The following EYS variants were observed in gnomAD, a reference collection of about 807,000 sequenced individuals.
The protein encoded by EYS is EGF-like photoreceptor maintenance factor.
Under a neutral mutation model 282.1 loss-of-function variants are expected in EYS, and 250 were observed. The ratio of observed to expected loss-of-function variants is 0.89; its 90% confidence interval spans 0.80 to 0.98. EYS has a LOEUF of 0.98. Among genes scored for constraint, EYS ranks in the 50% least tolerant of loss-of-function variants. EYS has a pLI of 0.00. For missense variants in EYS, 4,016 were observed against 3,709.0 expected, an observed-to-expected ratio of 1.08 and a Z score of -2.15; for synonymous variants, 1,355 against 1,282.9, an observed-to-expected ratio of 1.06 and a Z score of -1.20.
chr6:64,090,240 C>T (rs898604443), intron 31 of EYS, among the ~76,000 whole-genome samples: 2 of 152,058 alleles, frequency 1.3e-5, no homozygotes, highest in African/African-American at 2.4e-5. Flanking sequence ...AGAAATTCTC[C>T]CTGAGTGATC....
intron 22 of EYS, among the ~76,000 whole-genome samples, chr6:64,757,534 T>C (rs1772982029): frequency 6.6e-6 from 1 of 152,140 alleles, no homozygotes; most frequent in Non-Finnish European, 1.5e-5. Flanking sequence ...AGAAAAACTA[T>C]GCTATCACGT....
intron 35 of EYS, among the ~76,000 whole-genome samples, chr6:63,905,115 C>T (rs1008167425): frequency 7.9e-5 from 12 of 152,084 alleles, no homozygotes; most frequent in African/African-American, 2.7e-4. Context: ...TATGGGTTTA[C>T]CTAGTATGGA....
chr6:64,872,475 T>C (rs1040416906), intron 19 of EYS, among the ~76,000 whole-genome samples: 1 of 151,998 alleles, frequency 6.6e-6, no homozygotes, highest in Admixed American at 6.6e-5. Flanking sequence ...GGCGATTTCT[T>C]GCTGAGGACA....
chr6:65,674,872 T>C (rs1768522621), intron 1 of EYS, among the ~76,000 whole-genome samples: 1 of 152,038 alleles, frequency 6.6e-6, no homozygotes, highest in Non-Finnish European at 1.5e-5. Flanking sequence ...GAATCACTTT[T>C]AGTTCTGGTG....
chr6:64,893,354 T>G (rs898665488), intron 18 of EYS, among the ~76,000 whole-genome samples: 2 of 152,044 alleles, frequency 1.3e-5, no homozygotes, highest in African/African-American at 4.8e-5. Context: ...TAGAATAGAT[T>G]AAAAACATGA....
intron 14 of EYS, among the ~76,000 whole-genome samples, chr6:64,955,441 A>T (rs1325677749): frequency 6.6e-6 from 1 of 152,142 alleles, no homozygotes; most frequent in Admixed American, 6.6e-5. Context: ...ACACACAGAG[A>T]GGGAGAGTCT....
At chr6:64,666,012 C>G (rs1209124263) in intron 22 of EYS, among the ~76,000 whole-genome samples, 1 of 152,144 alleles carries the variant, frequency 6.6e-6, no homozygotes, top group African/African-American at 2.4e-5. Context: ...ACTGCATGCT[C>G]TCACTTATAA....
chr6:64,585,003 C>T (rs1404731685), intron 26 of EYS, among the ~76,000 whole-genome samples: 3 of 152,008 alleles, frequency 2.0e-5, no homozygotes, highest in African/African-American at 4.8e-5. Flanking sequence ...AATAGTTTTA[C>T]TAAAAAGACA....
At position 63,950,684 on chromosome 6, in the gene EYS, G is replaced by A. The variant is rs148088024; in HGVS notation, c.7055+33699C>T. ...TGCTCCGTGAGAAAGATCCACCTAC[G>A]ACCTCTGGTCCTCAGACCAACCAGC... On this transcript the variant is annotated intron_variant, in intron 35 of 42. Transcript: ENST00000503581. Among the ~76,000 whole-genome samples, 495 of 152,152 alleles carry A rather than the reference G, an allele frequency of 3.3e-3. 4 individuals are homozygous for A. In the East Asian group the frequency reaches 0.042, roughly 13 times the overall value.
intron 35 of EYS, among the ~76,000 whole-genome samples, chr6:63,878,416 C>T (rs1034484548): frequency 7.9e-5 from 12 of 152,266 alleles, no homozygotes; most frequent in African/African-American, 1.4e-4. Flanking sequence ...TTAGGCTACT[C>T]GGGGGTCCGG....
intron 12 of EYS, among the ~76,000 whole-genome samples, chr6:65,141,473 C>T (rs1035666800): frequency 4.7e-5 from 7 of 150,108 alleles, no homozygotes; most frequent in Non-Finnish European, 1.0e-4. Flanking sequence ...GCACATGTAC[C>T]CAAAAACTTA....
In EYS at chr6:65,671,599, C is replaced by A. The variant is rs532942598; in HGVS notation, c.-447-31707G>T. Among the ~76,000 whole-genome samples the A allele has an allele frequency of 8.1e-3, 1,231 of 152,046 alleles. 14 individuals carry two copies. Among genetic ancestry groups the A allele is most frequent in the African/African-American group, 0.028 (1,159 of 41,504 alleles). ...GTAAGGAAGATGGTTGAATAAGTAC[C>A]AAACCCTCCTCTGAAAGGGACACCA... On this transcript the variant is annotated intron_variant, in intron 1 of 42. Coordinates refer to ENST00000503581, the MANE Select transcript of EYS (RefSeq NM_001142800.2).
In EYS at chr6:65,342,522, A is replaced by G. The variant is rs145812960; in HGVS notation, c.1599+1516T>C. Reference sequence around the variant, plus strand: ...AATCAAATTAGTCAAATTATTTTGGATGCCTGAACAATTAATCAAATTAAT... The same window carrying G: ...AATCAAATTAGTCAAATTATTTTGGGTGCCTGAACAATTAATCAAATTAAT... On this transcript the variant is annotated intron_variant, in intron 10 of 42. Coordinates refer to ENST00000503581, the MANE Select transcript of EYS (RefSeq NM_001142800.2). Among the ~76,000 whole-genome samples the G allele has an allele frequency of 1.3e-3, 191 of 150,760 alleles. 1 individual carries two copies. Among genetic ancestry groups the G allele is most frequent in the African/African-American group, 4.3e-3 (178 of 41,454 alleles).
chr6:64,866,197 T>G (rs763358040), intron 19 of EYS, among the ~76,000 whole-genome samples: 41 of 151,994 alleles, frequency 2.7e-4, no homozygotes, highest in Non-Finnish European at 5.0e-4. Flanking sequence ...TGATAAAAGT[T>G]AAATCTTTAT....
At chr6:64,485,080 A>G (rs1306033006) in intron 26 of EYS, among the ~76,000 whole-genome samples, 2 of 151,668 alleles carry the variant, frequency 1.3e-5, no homozygotes, top group African/African-American at 4.8e-5. Context: ...TATTTGGGCC[A>G]CAAAGTGGCC....
intron 22 of EYS, among the ~76,000 whole-genome samples, chr6:64,682,973 T>C (rs538669524): frequency 1.5e-3 from 224 of 152,242 alleles, no homozygotes; most frequent in African/African-American, 4.8e-3. Flanking sequence ...AGAAAAATCT[T>C]TACCCAGCTC....
intron 1 of EYS, among the ~76,000 whole-genome samples, chr6:65,689,924 G>T (rs1319704858): frequency 6.7e-6 from 1 of 149,658 alleles, no homozygotes; most frequent in East Asian, 2.3e-4. Context: ...CTGGGTCCAG[G>T]GGGGTCACCG....
chr6:64,677,515 A>T (rs371207980), intron 22 of EYS, among the ~76,000 whole-genome samples: 15 of 152,260 alleles, frequency 9.9e-5, no homozygotes, highest in African/African-American at 3.6e-4. Context: ...CATCAAGACA[A>T]ATATATCATG....
rs1771309617 is a variant in EYS, at chr6:64,997,591, G to T, written c.2250C>A (p.Asp750Glu). ...GCCAGTGGATACTAACGAGATGCAG[G>T]TCTTTGCAGGTAGAATTGTGCTCAC... ...NACEHNSTCK[D>E]LHLSYQCVCL... The change falls in exon 14 of 43, where the codon GAC (aspartate) becomes GAA (glutamate). Residue 750 changes from aspartate to glutamate, a missense_variant. Coordinates refer to ENST00000503581, the MANE Select transcript of EYS (RefSeq NM_001142800.2). The T allele has an allele frequency of 6.4e-7, 1 of 1,551,034 alleles. No individual in the cohort carries two copies. The highest frequency in any genetic ancestry group is 2.4e-5 in the East Asian group (1 of 40,848).
Sources: gnomAD v4.1 joint callset for allele counts (sites outside exome capture counted in the v4.1 genomes callset) on GRCh38, gnomAD v4.1.1 for gene constraint, MANE v1.5 for transcripts, NCBI Gene and HGNC (gene_info 2026-07-23, HGNC 2026-07-21) for gene names.